Variants in ENTREP2 observed in about 807,000 individuals in gnomAD.
ENTREP2 encodes endosomal transmembrane epsin interactor 2.
the ENTREP2 span, among the ~76,000 whole-genome samples, chr15:29,605,671 T>C: frequency 6.7e-4 from 101 of 150,942 alleles, no homozygotes; most frequent in African/African-American, 2.2e-3. Flanking sequence ...ACCCTGTCTC[T>C]ACAAAAATAC....
chr15:29,314,651 T>C, the ENTREP2 span, among the ~76,000 whole-genome samples: 1 of 152,236 alleles, frequency 6.6e-6, no homozygotes, highest in Admixed American at 6.5e-5. Context: ...TTTATTGTGA[T>C]ATTCGCTTTA....
At chr15:29,300,437 G>A in the ENTREP2 span, among the ~76,000 whole-genome samples, 17 of 144,070 alleles carry the variant, frequency 1.2e-4, no homozygotes, top group Admixed American at 1.1e-3. Flanking sequence ...ATGGATGAGT[G>A]GATGGGATGG....
chr15:29,349,708 G>A, the ENTREP2 span, among the ~76,000 whole-genome samples: 1 of 152,136 alleles, frequency 6.6e-6, no homozygotes, highest in East Asian at 1.9e-4. Flanking sequence ...GACCAGCCTG[G>A]GCAACACAGT....
the ENTREP2 span, among the ~76,000 whole-genome samples, chr15:29,215,339 T>C: frequency 1.3e-3 from 190 of 151,416 alleles, no homozygotes; most frequent in African/African-American, 4.4e-3. Flanking sequence ...GGGAACACTC[T>C]AATCAGCTGC....
At chr15:29,536,945 G>C in the ENTREP2 span, among the ~76,000 whole-genome samples, 1 of 152,138 alleles carries the variant, frequency 6.6e-6, no homozygotes, top group African/African-American at 2.4e-5. Context: ...AGTCTCAGAG[G>C]GAGCACAGCT....
chr15:29,318,478 A>C, the ENTREP2 span, among the ~76,000 whole-genome samples: 3 of 151,836 alleles, frequency 2.0e-5, no homozygotes, highest in Non-Finnish European at 4.4e-5. Context: ...CTGCCAGCAC[A>C]CCTGGCTAAT....
At chr15:29,342,240 G>T in the ENTREP2 span, among the ~76,000 whole-genome samples, 1 of 152,174 alleles carries the variant, frequency 6.6e-6, no homozygotes, top group African/African-American at 2.4e-5. Context: ...GGTGGGATTT[G>T]TATGTGTATG....
At chr15:29,507,140 A>G in the ENTREP2 span, among the ~76,000 whole-genome samples, 1 of 152,238 alleles carries the variant, frequency 6.6e-6, no homozygotes, top group South Asian at 2.1e-4. Context: ...TAAACCAACA[A>G]AAATCAAAAA....
chr15:29,410,114 C>T, the ENTREP2 span, among the ~76,000 whole-genome samples: 2 of 152,024 alleles, frequency 1.3e-5, no homozygotes, highest in African/African-American at 4.8e-5. Context: ...AACTCTAAGG[C>T]CTGTCTCTTT....
chr15:29,656,860 G>T, the ENTREP2 span, among the ~76,000 whole-genome samples: 1 of 152,158 alleles, frequency 6.6e-6, no homozygotes, highest in Non-Finnish European at 1.5e-5. Context: ...TTACCCAAGT[G>T]AACTGAAAAC....
At chr15:29,457,879 T>C in the ENTREP2 span, among the ~76,000 whole-genome samples, 1 of 152,162 alleles carries the variant, frequency 6.6e-6, no homozygotes, top group African/African-American at 2.4e-5. Context: ...ACCTACTGCC[T>C]GTAGCCTGCA....
At chr15:29,216,287 A>T in the ENTREP2 span, among the ~76,000 whole-genome samples, 2 of 152,210 alleles carry the variant, frequency 1.3e-5, no homozygotes, top group East Asian at 3.8e-4. Context: ...GAGGCTGAAG[A>T]TAGGGCCCTG....
the ENTREP2 span, among the ~76,000 whole-genome samples, chr15:29,457,558 C>T: frequency 6.6e-6 from 1 of 152,164 alleles, no homozygotes; most frequent in South Asian, 2.1e-4. Context: ...CAGCTGCAGT[C>T]ACAGAAGCCC....
chr15:29,271,608 A>AACAGAACTGCCCTGTTCTG, the ENTREP2 span, among the ~76,000 whole-genome samples: 1 of 152,188 alleles, frequency 6.6e-6, no homozygotes, highest in Non-Finnish European at 1.5e-5. Flanking sequence ...TTGTATAAAG[A>AACAGAACTGCCCTGTTCTG]ACAGAACTGC....
chr15:29,319,796 G>T, the ENTREP2 span, among the ~76,000 whole-genome samples: 1 of 152,202 alleles, frequency 6.6e-6, no homozygotes, highest in Non-Finnish European at 1.5e-5. Context: ...CCAGCCCCCA[G>T]TTGGAGCCTC....
chr15:29,622,731 GAA>G, the ENTREP2 span, among the ~76,000 whole-genome samples: 1 of 152,260 alleles, frequency 6.6e-6, no homozygotes, highest in African/African-American at 2.4e-5. Context: ...AAGGAAAATG[GAA>G]GTTTACTTAA....
the ENTREP2 span, among the ~76,000 whole-genome samples, chr15:29,354,151 C>T: frequency 8.5e-4 from 130 of 152,288 alleles, no homozygotes; most frequent in African/African-American, 2.9e-3. Flanking sequence ...GGAAGGGCGC[C>T]GTCTCTCTCC....
At chr15:29,487,542 A>G in the ENTREP2 span, among the ~76,000 whole-genome samples, 1 of 152,226 alleles carries the variant, frequency 6.6e-6, no homozygotes. Flanking sequence ...AGCTGAACAA[A>G]CAACTAAACA....
At chr15:29,146,505 G>C in the ENTREP2 span, among the ~76,000 whole-genome samples, 1 of 152,258 alleles carries the variant, frequency 6.6e-6, no homozygotes, top group South Asian at 2.1e-4. Flanking sequence ...GTATATCTAT[G>C]GTCAATTGAG....
Sources: allele counts gnomAD v4.1 joint callset (sites outside exome capture counted in the v4.1 genomes callset), GRCh38; gene constraint gnomAD v4.1.1; transcripts MANE v1.5; gene names NCBI Gene and HGNC (gene_info 2026-07-23, HGNC 2026-07-21).